Variants in CCDC33 observed in about 807,000 individuals in gnomAD.
CCDC33 encodes the protein coiled-coil domain-containing protein 33.
CCDC33 carries 94 observed loss-of-function variants against 91.9 expected under a neutral mutation model. The ratio of observed to expected loss-of-function variants is 1.02; its 90% CI spans 0.87 to 1.21. The LOEUF is 1.21. Ranked by LOEUF, CCDC33 falls within the 50% of genes most tolerant of loss-of-function variation. CCDC33 has a pLI of 0.00. For synonymous variants in CCDC33, 396 were observed against 374.5 expected (o/e 1.06, Z -0.66); for missense variants, 940 against 935.5 (o/e 1.00, Z -0.06).
intron 7 of CCDC33, 51 bp downstream of exon 7, chr15:74,272,942 C>G (rs1358391678): frequency 6.2e-7 from 1 of 1,607,994 alleles, no homozygotes; most frequent in Non-Finnish European, 8.5e-7. Context: ...CCCACACATT[C>G]ACTGTTCACT....
At chr15:74,241,083 AG>A (rs1490135006) in intron 1 of CCDC33, among the ~76,000 whole-genome samples, 1 of 152,268 alleles carries the variant, frequency 6.6e-6, no homozygotes, top group East Asian at 1.9e-4. Context: ...ACCTCCAGGC[AG>A]GGGCATCTTC....
chr15:74,312,703 T>C (rs1334178710), intron 11 of CCDC33, among the ~76,000 whole-genome samples: 1 of 152,134 alleles, frequency 6.6e-6, no homozygotes, highest in African/African-American at 2.4e-5. Flanking sequence ...ACCCTCCTCA[T>C]ACATATAGGG....
At chr15:74,279,520 GTTTA>G (rs528416631) in intron 7 of CCDC33, among the ~76,000 whole-genome samples, 30 of 152,042 alleles carry the variant, frequency 2.0e-4, no homozygotes, top group East Asian at 3.9e-4. Flanking sequence ...GCATTTATTT[GTTTA>G]TTTATTTATT....
chr15:74,306,439 C>T (rs1213790757), intron 11 of CCDC33, among the ~76,000 whole-genome samples: 1 of 152,246 alleles, frequency 6.6e-6, no homozygotes, highest in East Asian at 1.9e-4. Flanking sequence ...AGCATGAAAC[C>T]ATAACAGATC....
At chr15:74,322,559 A>G (rs918288119) in intron 11 of CCDC33, among the ~76,000 whole-genome samples, 1 of 152,216 alleles carries the variant, frequency 6.6e-6, no homozygotes, top group Admixed American at 6.5e-5. Context: ...CTCTGGTCCC[A>G]ATATCAGAAC....
At chr15:74,296,097 A>C in intron 11 of CCDC33, 149 bp downstream of exon 11, 1 of 631,792 alleles carries the variant, frequency 1.6e-6, no homozygotes, top group Non-Finnish European at 2.7e-6. Context: ...AGTTACCCCA[A>C]AGTCAAACTG....
chr15:74,328,899 A>G (rs752626812), intron 11 of CCDC33, among the ~76,000 whole-genome samples: 11 of 152,190 alleles, frequency 7.2e-5, no homozygotes, highest in Non-Finnish European at 1.3e-4. Context: ...GCCCACAGCC[A>G]CAGGGGCTCA....
In CCDC33 at chr15:74,295,954, T is replaced by C. The variant is rs1277971460; in HGVS notation, c.1290+6T>C. The C allele has an allele frequency of 2.5e-6, 4 of 1,607,794 alleles. No individual in the cohort carries two copies. The South Asian group carries it at 3.3e-5, about 13-fold the overall frequency. On this transcript the variant is annotated splice_donor_region_variant and intron_variant, in intron 11 of 18. Coordinates refer to ENST00000398814, the MANE Select transcript of CCDC33 (RefSeq NM_025055.5). ...CTGAGATGTCCCATGACACAGTGAG[T>C]GTCTCTCCCCAGGTGGGAAGGGCCG...
At position 74,208,109 on chromosome 15, in the gene CCDC33, G is replaced by T; in HGVS notation, n.90-1279G>T. The T allele has an allele frequency of 2.6e-6, 3 of 1,132,556 alleles. No homozygotes were observed. The South Asian group carries it at 6.8e-5, about 26-fold the overall frequency. The allele number at this position is 1,132,556 out of a possible 1,614,324, so 70.2% of individuals were successfully genotyped here. A position where few individuals can be genotyped will look rare whatever the true frequency, so the allele number is the denominator to read the frequency against. ...GAGGGTGGACACTGGTGAGGAGGAG[G>T]AGGGTAGCCGGCTGTGCCAGGGGAG... On this transcript the variant is annotated intron_variant and non_coding_transcript_variant, in intron 1 of 3. Coordinates refer to the CCDC33 transcript ENST00000558645.
intron 18 of CCDC33, chr15:74,335,445 C>A (rs2060545888): frequency 3.8e-6 from 2 of 520,540 alleles, no homozygotes; most frequent in Non-Finnish European, 6.9e-6. Context: ...TGTGGCCCTA[C>A]CCCCCTGAAT....
chr15:74,318,401 G>T, intron 11 of CCDC33: 2 of 528,690 alleles, frequency 3.8e-6, no homozygotes, highest in East Asian at 3.5e-5. Context: ...CAATTCTGTG[G>T]CCAAGGAGTG....
At chr15:74,250,971 T>C (rs1320606080) in intron 2 of CCDC33, among the ~76,000 whole-genome samples, 1 of 152,086 alleles carries the variant, frequency 6.6e-6, no homozygotes, top group African/African-American at 2.4e-5. Context: ...AGACCTATCA[T>C]AAGAAAGCCA....
chr15:74,310,705 C>T (rs1249756007), intron 11 of CCDC33, among the ~76,000 whole-genome samples: 1 of 152,102 alleles, frequency 6.6e-6, no homozygotes, highest in Non-Finnish European at 1.5e-5. Context: ...GAGGTCTGGG[C>T]CCTGGATTTC....
intron 7 of CCDC33, among the ~76,000 whole-genome samples, chr15:74,278,984 G>C (rs1028967291): frequency 2.0e-5 from 3 of 152,236 alleles, no homozygotes; most frequent in Non-Finnish European, 4.4e-5. Context: ...GTGTGGGAAA[G>C]AGAGGGGCTG....
intron 10 of CCDC33, among the ~76,000 whole-genome samples, chr15:74,292,572 A>G (rs1379773927): frequency 6.6e-6 from 1 of 152,202 alleles, no homozygotes; most frequent in African/African-American, 2.4e-5. Flanking sequence ...TTGGAGGTCT[A>G]AAGATTTCAC....
chr15:74,216,884 A>G (rs566661502), upstream of CCDC33, among the ~76,000 whole-genome samples: 12 of 151,926 alleles, frequency 7.9e-5, no homozygotes, highest in African/African-American at 2.9e-4. Flanking sequence ...CTTCTAGCAT[A>G]CATTATAATT....
chr15:74,227,095 T>C (rs993983361), intron 2 of CCDC33, among the ~76,000 whole-genome samples: 7 of 152,120 alleles, frequency 4.6e-5, no homozygotes, highest in African/African-American at 1.7e-4. Context: ...GCAGAGCCCA[T>C]TGGAGCATCA....
At chr15:74,248,805 C>T (rs1269563766) in intron 2 of CCDC33, among the ~76,000 whole-genome samples, 1 of 152,184 alleles carries the variant, frequency 6.6e-6, no homozygotes, top group Non-Finnish European at 1.5e-5. Flanking sequence ...CTGTCTTCAT[C>T]TAAGCCACTG....
chr15:74,308,277 A>G (rs2059928048), intron 11 of CCDC33, among the ~76,000 whole-genome samples: 1 of 151,818 alleles, frequency 6.6e-6, no homozygotes, highest in Admixed American at 6.6e-5. Flanking sequence ...TCCTGAGTTC[A>G]GATTAAATGT....
Sources: allele counts gnomAD v4.1 joint callset (sites outside exome capture counted in the v4.1 genomes callset), GRCh38; gene constraint gnomAD v4.1.1; transcripts MANE v1.5; gene names NCBI Gene and HGNC (gene_info 2026-07-23, HGNC 2026-07-21).